The following POT1 variants were observed in gnomAD, a reference collection of about 807,000 sequenced individuals.
The protein encoded by POT1 is protection of telomeres 1, also known as protection of telomeres protein 1.
In POT1, 47 loss-of-function variants were observed where a neutral mutation model predicts 78.5. The observed-to-expected ratio is 0.60, with a 90% CI of 0.47 to 0.76. The LOEUF (loss-of-function observed/expected upper bound fraction) is 0.76, where lower values mean the gene tolerates loss of function less well. Among genes scored for constraint, POT1 ranks in the 30% least tolerant of loss-of-function variants. The pLI, the probability that POT1 is intolerant of heterozygous loss-of-function variation, is 0.00. For missense variants in POT1, 646 were observed against 749.9 expected, an observed-to-expected ratio of 0.86 and a Z score of 1.62; for synonymous variants, 259 against 260.7, an observed-to-expected ratio of 0.99 and a Z score of 0.06.
intron 7 of POT1, among the ~76,000 whole-genome samples, chr7:124,867,659 T>G (rs2116556569): frequency 6.6e-6 from 1 of 151,896 alleles, no homozygotes; most frequent in South Asian, 2.1e-4. Context: ...TATTTATTAT[T>G]TTTTTTGGAT....
intron 15 of POT1, among the ~76,000 whole-genome samples, chr7:124,832,714 G>T (rs962516919): frequency 1.3e-5 from 2 of 151,474 alleles, no homozygotes; most frequent in African/African-American, 4.9e-5. Flanking sequence ...GCTACTCGGC[G>T]GGGGGGTTGA....
Position 124,858,052 on chromosome 7 carries a change from G to A in POT1, c.702+905C>T, listed in dbSNP as rs190836502. Among the ~76,000 whole-genome samples the A allele has an allele frequency of 2.2e-3, 335 of 152,240 alleles. 2 individuals carry two copies. The highest frequency in any genetic ancestry group is 3.6e-3 in the Non-Finnish European group (247 of 68,012). On this transcript the variant is annotated intron_variant, in intron 9 of 18. Coordinates refer to ENST00000357628, the MANE Select transcript of POT1 (RefSeq NM_015450.3). ...GCTCCCACTCCTGTGGTCTGAGTGA[G>A]TGGAGCTCTCCCCTGCCAGCACTGA...
At chr7:124,873,715 T>A (rs1175122998) in intron 6 of POT1, among the ~76,000 whole-genome samples, 1 of 152,170 alleles carries the variant, frequency 6.6e-6, no homozygotes, top group Non-Finnish European at 1.5e-5. Flanking sequence ...ATGCTGCCTA[T>A]ATACATGATT....
chr7:124,867,501 C>G, intron 7 of POT1, among the ~76,000 whole-genome samples: 1 of 152,112 alleles, frequency 6.6e-6, no homozygotes, highest in East Asian at 1.9e-4. Context: ...ATCACAGGGC[C>G]TTGGCACCTA....
rs1467314012 is a variant in POT1, at chr7:124,902,756, T to C, written c.-153-4382A>G. The stretch of plus-strand genomic sequence containing the variant: ...AAATTGGATAAATCGTCAAGACCCC[T>C]CAGTGTGTTGTGTTCAGGAGACCCA... On this transcript the variant is annotated intron_variant, in intron 3 of 18. Transcript: ENST00000357628. Among the ~76,000 whole-genome samples the C allele has an allele frequency of 3.3e-5, 5 of 152,270 alleles. No individual in the cohort carries two copies. The East Asian group carries it at 9.7e-4, about 29-fold the overall frequency.
chr7:124,891,474 T>G (rs896931657), intron 6 of POT1, among the ~76,000 whole-genome samples: 4 of 151,582 alleles, frequency 2.6e-5, no homozygotes, highest in Admixed American at 6.6e-5. Context: ...ACTCAGCTAC[T>G]CTATGATTTT....
chr7:124,833,483 G>T (rs1794818976), intron 15 of POT1, among the ~76,000 whole-genome samples: 1 of 152,126 alleles, frequency 6.6e-6, no homozygotes, highest in African/African-American at 2.4e-5. Flanking sequence ...TGTGTCCAGG[G>T]TGATTGTTTC....
intron 15 of POT1, among the ~76,000 whole-genome samples, chr7:124,832,288 T>C (rs1335886044): frequency 1.3e-5 from 2 of 149,424 alleles, no homozygotes. Flanking sequence ...TGAAATAATG[T>C]CAAAACGTTA....
intron 2 of POT1, among the ~76,000 whole-genome samples, chr7:124,924,156 CA>C (rs35845455): frequency 0.035 from 4,326 of 123,402 alleles, 217 homozygotes; most frequent in African/African-American, 0.12. Context: ...AACAAAAATC[CA>C]AAAAAAAAAA....
chr7:124,876,376 T>A (rs1044900553), intron 6 of POT1, among the ~76,000 whole-genome samples: 1 of 152,162 alleles, frequency 6.6e-6, no homozygotes, highest in Non-Finnish European at 1.5e-5. Flanking sequence ...ATAATGATTG[T>A]TTTTCCTATT....
At position 124,853,088 on chromosome 7, in the gene POT1, C is replaced by T. The variant is rs1172142052; in HGVS notation, c.753G>A (p.Met251Ile). 1.2e-6 allele frequency: 2 copies of T among 1,608,178 alleles called. No individual in the cohort carries two copies. The highest frequency in any genetic ancestry group is 1.3e-5 in the African/African-American group (1 of 74,756). ...TTAACATTGTCTGATTCTCTGAATT[C>T]ATTGATTGAAGTTTGGTATGAAGGC... ...IYSLHTKLQS[M>I]NSENQTMLSL... The change falls in exon 10 of 19, where the codon ATG (methionine) becomes ATA (isoleucine). Residue 251 changes from methionine to isoleucine, a missense_variant. By Grantham distance (10) the Met-to-Ile change is conservative (BLOSUM62 1). Transcript: ENST00000357628.
chr7:124,838,531 A>C (rs1003055730), intron 14 of POT1, among the ~76,000 whole-genome samples: 1 of 152,178 alleles, frequency 6.6e-6, no homozygotes, highest in East Asian at 1.9e-4. Context: ...ATCTACATAG[A>C]AAGATAGTCC....
intron 6 of POT1, among the ~76,000 whole-genome samples, chr7:124,884,408 A>C (rs1796194504): frequency 6.6e-6 from 1 of 152,186 alleles, no homozygotes; most frequent in East Asian, 1.9e-4. Context: ...GACAGTGAAC[A>C]GGAAGAGAGA....
chr7:124,901,389 T>A (rs1796615482), intron 3 of POT1, among the ~76,000 whole-genome samples: 1 of 152,100 alleles, frequency 6.6e-6, no homozygotes, highest in African/African-American at 2.4e-5. Context: ...GCAAACAGGG[T>A]CTGGAGTTGA....
intron 14 of POT1, among the ~76,000 whole-genome samples, chr7:124,836,113 A>G (rs903407143): frequency 6.6e-6 from 1 of 152,226 alleles, no homozygotes; most frequent in Non-Finnish European, 1.5e-5. Context: ...TCAATTATAA[A>G]GGAGAAGCAC....
At chr7:124,851,791 G>C in intron 11 of POT1, 81 bp downstream of exon 11, 1 of 983,396 alleles carries the variant, frequency 1.0e-6, no homozygotes, top group Non-Finnish European at 1.6e-6. Context: ...GAGACAAAGA[G>C]AAGACATTAC....
intron 7 of POT1, among the ~76,000 whole-genome samples, chr7:124,869,771 G>A (rs1046914214): frequency 6.6e-6 from 1 of 152,066 alleles, no homozygotes; most frequent in African/African-American, 2.4e-5. Context: ...AGTAGAGACA[G>A]GGTTTCTCCA....
intron 14 of POT1, among the ~76,000 whole-genome samples, chr7:124,838,079 T>C (rs1012436899): frequency 6.6e-6 from 1 of 152,138 alleles, no homozygotes; most frequent in African/African-American, 2.4e-5. Context: ...ATCGATAAAA[T>C]AGCCACAGCT....
intron 14 of POT1, 47 bp from the exon 15 acceptor site, chr7:124,835,461 A>G: frequency 6.3e-7 from 1 of 1,579,208 alleles, no homozygotes; most frequent in Non-Finnish European, 8.7e-7. Context: ...AATAAAATGT[A>G]GACAAGTACA....
Sources: gnomAD v4.1 joint callset for allele counts (sites outside exome capture counted in the v4.1 genomes callset) on GRCh38, gnomAD v4.1.1 for gene constraint, MANE v1.5 for transcripts, NCBI Gene and HGNC (gene_info 2026-07-23, HGNC 2026-07-21) for gene names.